INO80: variants seen among roughly 807,000 people sequenced by gnomAD.
INO80 encodes the protein INO80 complex ATPase subunit, also known as chromatin-remodeling ATPase INO80.
A neutral mutation model predicts 203.4 loss-of-function variants in INO80; 20 were observed. The ratio of observed to expected loss-of-function variants is 0.10; its 90% CI spans 0.07 to 0.14. The LOEUF (loss-of-function observed/expected upper bound fraction) is 0.14, where lower values mean the gene tolerates loss of function less well. INO80 is among the 10% of genes least tolerant of loss of function. INO80 has a pLI of 1.00. For missense variants in INO80, 1,419 were observed against 1,914.4 expected (o/e 0.74, Z 4.83); for synonymous variants, 726 against 685.2 (o/e 1.06, Z -0.93).
intron 7 of INO80, 58 bp downstream of exon 7, chr15:41,085,311 A>C: frequency 7.0e-7 from 1 of 1,418,534 alleles, no homozygotes; most frequent in South Asian, 1.2e-5. Flanking sequence ...GTTCCTCTTT[A>C]GTGGGTGGGG....
In INO80 at chr15:41,072,190, GATAAT is replaced by G. The variant is rs1178694741; in HGVS notation, c.1396-137_1396-133del. 5.1e-6 allele frequency: 3 copies of G among 589,018 alleles called. No homozygotes were observed. In the East Asian group the frequency reaches 8.7e-5, roughly 17 times the overall value. The allele number at this position is 589,018 out of a possible 1,614,324, so 36.5% of individuals were successfully genotyped here. ...ATTGGAACAAAATTTCTCATAATCT[GATAAT>G]ATAACGTAGTATCATATGACATCAT... On this transcript the variant is annotated intron_variant, in intron 11 of 35. Coordinates refer to ENST00000648947, the MANE Select transcript of INO80 (RefSeq NM_017553.3).
At chr15:41,017,855 A>G (rs910430805) in intron 26 of INO80, 1 of 152,158 alleles carries the variant, frequency 6.6e-6, no homozygotes, top group Non-Finnish European at 1.5e-5. Context: ...TGGTCTCCTT[A>G]CCAACACAAT....
intron 24 of INO80, among the ~76,000 whole-genome samples, chr15:41,028,264 T>G (rs567329338): frequency 7.4e-4 from 112 of 152,078 alleles, no homozygotes; most frequent in Middle Eastern, 6.8e-3. Context: ...TCCTCCCGAG[T>G]AGTTGCGACT....
intron 31 of INO80, among the ~76,000 whole-genome samples, chr15:40,986,316 CTTTTTTTTTTTTTT>C (rs551165963): frequency 1.1e-4 from 10 of 90,674 alleles, no homozygotes; most frequent in Non-Finnish European, 2.0e-4. Flanking sequence ...CTCCACAATG[CTTTTTTTTTTTTTT>C]TTTTTTTTTT....
chr15:40,979,539 C>CCA lies in INO80; in HGVS notation c.*683_*684insTG, dbSNP rs1893736351. 1 of 153,348 alleles carries CCA rather than the reference C, an allele frequency of 6.5e-6. No homozygotes were observed. The highest frequency in any genetic ancestry group is 1.5e-5 in the Non-Finnish European group (1 of 68,694). 9.5% of individuals were successfully genotyped at this position (153,348 alleles called of 1,614,324 possible). A position where few individuals can be genotyped will look rare whatever the true frequency, so the allele number is the denominator to read the frequency against. ...GTCTCTCTACTGGCTTCTGGGAGTC[C>CCA]CCTGGGTGGAAGGTGCTACGGTTGC... On this transcript the variant is annotated 3_prime_UTR_variant, in exon 36 of 36. Transcript: ENST00000648947.
rs549077808 is a variant in INO80 at position 41,003,071 on chromosome 15, G to C, written c.3497+2522C>G. On this transcript the variant is annotated intron_variant, in intron 28 of 35. Transcript: ENST00000648947. ...GGAGGTGGAGGTTGCAGTGAGCCAA[G>C]ATCACGCCACTGCACTCCAGCCTGG... Among the ~76,000 whole-genome samples, 476 of 152,146 alleles carry C rather than the reference G, an allele frequency of 3.1e-3. 3 individuals are homozygous for C. Among genetic ancestry groups the C allele is most frequent in the African/African-American group, 0.011 (442 of 41,526 alleles).
chr15:41,091,897 C>T, intron 5 of INO80, 130 bp downstream of exon 5: 1 of 640,220 alleles, frequency 1.6e-6, no homozygotes, highest in Non-Finnish European at 2.6e-6. Context: ...CATGATCCGC[C>T]CGCCTCGTCC....
intron 22 of INO80, 47 bp from the exon 23 acceptor site, chr15:41,047,548 G>A (rs1429582185): frequency 3.8e-6 from 5 of 1,316,924 alleles, no homozygotes; most frequent in East Asian, 4.6e-5. Flanking sequence ...ACCAAGAGAC[G>A]ATGCTCAGTT....
chr15:41,020,452 T>C (rs117425692), intron 26 of INO80, among the ~76,000 whole-genome samples: 1 of 152,306 alleles, frequency 6.6e-6, no homozygotes, highest in Non-Finnish European at 1.5e-5. Flanking sequence ...TGCTAGTATT[T>C]TGGCATAGAA....
intron 24 of INO80, among the ~76,000 whole-genome samples, chr15:41,028,498 A>C (rs2044410775): frequency 6.6e-6 from 1 of 152,240 alleles, no homozygotes; most frequent in Non-Finnish European, 1.5e-5. Flanking sequence ...TAATTTATTC[A>C]GAGTAATCAA....
chr15:41,037,165 C>CA (rs11454368), intron 24 of INO80, among the ~76,000 whole-genome samples: 134,217 of 151,226 alleles, frequency 0.89, 61,520 homozygotes, highest in East Asian at 1. Flanking sequence ...GAAAAAAGAA[C>CA]AAAAAGAGAG....
intron 24 of INO80, among the ~76,000 whole-genome samples, chr15:41,031,004 G>C (rs2044451682): frequency 1.3e-5 from 2 of 152,188 alleles, no homozygotes; most frequent in African/African-American, 4.8e-5. Flanking sequence ...GGTTAAAATA[G>C]TATTCTCATT....
At chr15:41,015,774 TA>T (rs999539137) in intron 27 of INO80, among the ~76,000 whole-genome samples, 1,037 of 93,098 alleles carry the variant, frequency 0.011, 11 homozygotes, top group African/African-American at 0.025. Context: ...CATCTCTACT[TA>T]AAAAAAAAAA....
chr15:41,015,891 G>A (rs2044198045), intron 27 of INO80, among the ~76,000 whole-genome samples, 197 bp downstream of exon 27: 1 of 149,568 alleles, frequency 6.7e-6, no homozygotes. Context: ...AGGTTGCAGA[G>A]CCGAGATCGC....
At chr15:41,076,918 CTTTTTT>C (rs1566939946) in intron 9 of INO80, among the ~76,000 whole-genome samples, 1 of 151,816 alleles carries the variant, frequency 6.6e-6, no homozygotes, top group Non-Finnish European at 1.5e-5. Context: ...TTTTCTTTTT[CTTTTTT>C]TGAGATGGAG....
At chr15:41,089,215 A>C (rs1250934207) in intron 5 of INO80, among the ~76,000 whole-genome samples, 2 of 152,132 alleles carry the variant, frequency 1.3e-5, no homozygotes, top group Non-Finnish European at 2.9e-5. Flanking sequence ...AATAAAAAAT[A>C]AACATAAAAA....
At chr15:40,988,062 T>C in intron 29 of INO80, 88 bp from the exon 30 acceptor site, 1 of 1,130,120 alleles carries the variant, frequency 8.8e-7, no homozygotes, top group Non-Finnish European at 1.3e-6. Context: ...GTTTGCGAGT[T>C]TGGCGTCAGT....
chr15:41,032,343 T>A (rs1382201917), intron 24 of INO80, among the ~76,000 whole-genome samples: 1 of 152,154 alleles, frequency 6.6e-6, no homozygotes, highest in Non-Finnish European at 1.5e-5. Flanking sequence ...ATAAATCAGC[T>A]CTTAGATTAT....
intron 23 of INO80, among the ~76,000 whole-genome samples, chr15:41,046,473 T>C (rs1218211900): frequency 6.6e-6 from 1 of 151,450 alleles, no homozygotes; most frequent in African/African-American, 2.4e-5. Flanking sequence ...GTGACCCACC[T>C]GCCTCGGCCT....
Sources: allele counts gnomAD v4.1 joint callset (sites outside exome capture counted in the v4.1 genomes callset), GRCh38; gene constraint gnomAD v4.1.1; transcripts MANE v1.5; gene names NCBI Gene and HGNC (gene_info 2026-07-23, HGNC 2026-07-21).